POLR1B: variants seen among roughly 807,000 people sequenced by gnomAD.
The protein encoded by POLR1B is RNA polymerase I subunit B, also known as DNA-directed RNA polymerase I subunit RPA2.
Under a neutral mutation model 105.8 loss-of-function variants are expected in POLR1B, and 30 were observed. The ratio of observed to expected loss-of-function variants is 0.28; its 90% CI spans 0.21 to 0.38. The LOEUF (loss-of-function observed/expected upper bound fraction) is 0.38, where lower values mean the gene tolerates loss of function less well. POLR1B is among the 10% of genes least tolerant of loss of function. The probability of loss-of-function intolerance (pLI) is 1.00; values close to 1 mark genes in which losing one functional copy is unlikely to be tolerated. For synonymous variants in POLR1B, 485 were observed against 505.1 expected (o/e 0.96, Z 0.53); for missense variants, 976 against 1,435.8 (o/e 0.68, Z 5.17).
intron 1 of POLR1B, among the ~76,000 whole-genome samples, chr2:112,543,730 G>T (rs757949413): frequency 6.6e-6 from 1 of 151,868 alleles, no homozygotes; most frequent in African/African-American, 2.4e-5. Context: ...GAGGGGTGGG[G>T]GTTATTTGTA....
At position 112,577,250 on chromosome 2, in the gene POLR1B, A is replaced by G. The variant is rs1215043664; in HGVS notation, c.*1521A>G. On this transcript the variant is annotated 3_prime_UTR_variant, in exon 15 of 15. Coordinates refer to ENST00000263331, the MANE Select transcript of POLR1B (RefSeq NM_019014.6). ...AGACAGAAAAATCTATCATTTCAAG[A>G]TAGGCTTAGCAGGATGGGCGCAGTG... 6.6e-6 allele frequency: 1 copy of G among 152,256 alleles called. No homozygotes were observed. The highest frequency in any genetic ancestry group is 2.4e-5 in the African/African-American group (1 of 41,474). The allele number at this position is 152,256 out of a possible 1,614,324, so 9.4% of individuals were successfully genotyped here.
chr2:112,552,735 A>G lies in POLR1B; in HGVS notation c.1077A>G (p.Gly359=), dbSNP rs769425528. 1.9e-6 allele frequency: 3 copies of G among 1,612,708 alleles called. No individual in the cohort carries two copies. In the Admixed American group the frequency reaches 5.0e-5, roughly 27 times the overall value. The change falls in exon 7 of 15, where the codon GGA becomes GGG. Residue 359 remains glycine (G), a synonymous_variant. Coordinates refer to ENST00000263331, the MANE Select transcript of POLR1B (RefSeq NM_019014.6). ...GAAAGCTCTTTGCTTTAGCCAAAGG[A>G]GAGTGCATGGAGGACAATCCTGATA... The part of the protein sequence containing the change: ...MTRKLFALAK[G]ECMEDNPDSL...
chr2:112,550,498 AT>A (rs1201872045), intron 4 of POLR1B, among the ~76,000 whole-genome samples: 1 of 152,154 alleles, frequency 6.6e-6, no homozygotes, highest in Non-Finnish European at 1.5e-5. Context: ...TGAAACTGAA[AT>A]AAAATCTAAA....
At position 112,575,054 on chromosome 2, in the gene POLR1B, A is replaced by T. The variant is rs746785994; in HGVS notation, c.2733A>T (p.Pro911=). ...CTTTTACTGAGAGTGGGATGGTCCC[A>T]GACATTCTGTTCAATCCCCATGGTT... ...DMPFTESGMV[P]DILFNPHGFP... The change falls in exon 15 of 15, where the codon CCA becomes CCT. Residue 911 remains proline, a synonymous_variant. Transcript: ENST00000263331. The surrounding 1 kb of genome is among the most constrained non-coding windows in gnomAD (Gnocchi z 5.3). 7 of 1,614,218 alleles carry T rather than the reference A, an allele frequency of 4.3e-6. No homozygotes were observed. The highest frequency in any genetic ancestry group is 3.3e-4 in the Middle Eastern group (2 of 6,062).
At chr2:112,547,334 C>T (rs1683109781) in intron 2 of POLR1B, 87 bp from the exon 3 acceptor site, 1 of 1,499,376 alleles carries the variant, frequency 6.7e-7, no homozygotes, top group Non-Finnish European at 9.1e-7. Flanking sequence ...TTTAATTGAT[C>T]TTCTTCCTCA....
At chr2:112,560,664 A>G (rs1683932181) in intron 9 of POLR1B, among the ~76,000 whole-genome samples, 1 of 152,140 alleles carries the variant, frequency 6.6e-6, no homozygotes, top group Non-Finnish European at 1.5e-5. Context: ...ATATGTGTGC[A>G]GTAAAACTTC....
chr2:112,561,826 C>CTGTTTGTT (rs371455583), intron 9 of POLR1B, among the ~76,000 whole-genome samples: 6 of 151,762 alleles, frequency 4.0e-5, no homozygotes, highest in African/African-American at 1.5e-4. Flanking sequence ...TTTGTTTTTT[C>CTGTTTGTT]TGTTTGTTTG....
chr2:112,554,299 ATTT>A (rs1287754672), intron 7 of POLR1B, among the ~76,000 whole-genome samples: 1 of 143,644 alleles, frequency 7.0e-6, no homozygotes, highest in Admixed American at 7.0e-5. Flanking sequence ...TGCCCGGCGA[ATTT>A]TTTTATTTTT....
intron 9 of POLR1B, among the ~76,000 whole-genome samples, chr2:112,562,719 C>CT (rs1684054395): frequency 7.6e-5 from 10 of 131,736 alleles, no homozygotes; most frequent in South Asian, 2.4e-4. Context: ...GTGACAATTT[C>CT]TTTTTTTTCT....
rs190504582 is a variant in POLR1B, at chr2:112,578,420, G to A, written c.*2691G>A. ...AAGAATCTTACGTAAATAGGATCAC[G>A]AAGTATAACCTTTGAGAATGGCCTT... On this transcript the variant is annotated 3_prime_UTR_variant, in exon 15 of 15. Coordinates refer to ENST00000263331, the MANE Select transcript of POLR1B (RefSeq NM_019014.6). 7.0e-4 allele frequency among the ~76,000 whole-genome samples: 106 copies of A among 152,248 alleles called. No homozygotes were observed. The highest frequency in any genetic ancestry group is 7.8e-4 in the Non-Finnish European group (53 of 68,024).
chr2:112,567,861 T>TAA (rs1309488110), intron 10 of POLR1B, 106 bp from the exon 11 acceptor site: 45 of 955,070 alleles, frequency 4.7e-5, no homozygotes, highest in Non-Finnish European at 5.9e-5. Context: ...GTAGGGCTTT[T>TAA]ACCATGGCTG....
Position 112,575,005 on chromosome 2 carries a change from G to T in POLR1B, c.2684G>T (p.Arg895Ile). The stretch of plus-strand genomic sequence containing the variant: ...CATGGGCAGAAGGGCATTTTAAGCA[G>T]ATTGTGGCCGGCTGAGGACATGCCT... Reference protein sequence around the residue: ...SRHGQKGILSRLWPAEDMPFT... With the variant: ...SRHGQKGILSILWPAEDMPFT... The change falls in exon 15 of 15, where the codon AGA becomes ATA. Residue 895 changes from arginine (R) to isoleucine (I), a missense_variant. Transcript: ENST00000263331. The surrounding 1 kb of genome is among the most constrained non-coding windows in gnomAD (Gnocchi z 5.3). 1 of 1,614,216 alleles carries T rather than the reference G, an allele frequency of 6.2e-7. No homozygotes were observed. Among genetic ancestry groups the T allele is most frequent in the Non-Finnish European group, 8.5e-7 (1 of 1,180,044 alleles).
intron 10 of POLR1B, among the ~76,000 whole-genome samples, chr2:112,566,203 C>T (rs1000546030): frequency 1.3e-5 from 2 of 152,146 alleles, no homozygotes; most frequent in African/African-American, 4.8e-5. Context: ...AAGCACATGA[C>T]GTTGGTTTGT....
chr2:112,555,761 G>A (rs1279129617), intron 7 of POLR1B, among the ~76,000 whole-genome samples: 6 of 152,316 alleles, frequency 3.9e-5, no homozygotes, highest in East Asian at 1.9e-4. Flanking sequence ...ATTCATTGCC[G>A]AGTATCTGAT....
In POLR1B at chr2:112,542,677, C is replaced by G. The variant is rs770336826; in HGVS notation, c.177+6C>G. The G allele has an allele frequency of 4.3e-6, 7 of 1,610,600 alleles. No individual in the cohort carries two copies. The African/African-American group carries it at 6.7e-5, about 15-fold the overall frequency. ...GTCTCGGCCTCGCGGTGCAGGTGAG[C>G]GCGGCGTCCGCCGGCGCCCTTGCCG... On this transcript the variant is annotated splice_donor_region_variant and intron_variant, in intron 1 of 14. Coordinates refer to ENST00000263331, the MANE Select transcript of POLR1B (RefSeq NM_019014.6).
upstream of POLR1B, chr2:112,542,295 G>C (rs1682789725): frequency 6.5e-7 from 1 of 1,529,024 alleles, no homozygotes; most frequent in Non-Finnish European, 8.8e-7. Context: ...GGCCTTAATC[G>C]GCCCGTTCAC....
chr2:112,553,063 G>A (rs1348524205), intron 7 of POLR1B, among the ~76,000 whole-genome samples: 1 of 152,198 alleles, frequency 6.6e-6, no homozygotes, highest in East Asian at 1.9e-4. Flanking sequence ...ATGATAAAAA[G>A]CAAATGGCCT....
chr2:112,544,958 C>CA (rs1682956323), intron 1 of POLR1B, among the ~76,000 whole-genome samples: 1 of 152,194 alleles, frequency 6.6e-6, no homozygotes, highest in South Asian at 2.1e-4. Context: ...CCAGAAGCAG[C>CA]AAAAAAGTTG....
chr2:112,542,392 G>A, upstream of POLR1B: 1 of 1,609,748 alleles, frequency 6.2e-7, no homozygotes, highest in Non-Finnish European at 8.5e-7. Context: ...ACATTTCCCA[G>A]CAGGCTGCGG....
Sources: gnomAD v4.1 joint callset for allele counts (sites outside exome capture counted in the v4.1 genomes callset) on GRCh38, gnomAD v4.1.1 for gene constraint, Gnocchi (gnomAD v3.1) non-coding constraint, MANE v1.5 for transcripts, NCBI Gene and HGNC (gene_info 2026-07-23, HGNC 2026-07-21) for gene names.